The following PXDNL variants were observed in gnomAD, a reference collection of about 807,000 sequenced individuals.
PXDNL encodes peroxidasin like.
A neutral mutation model predicts 150.8 loss-of-function variants in PXDNL; 145 were observed. The observed-to-expected ratio is 0.96, with a 90% CI of 0.84 to 1.10. PXDNL has a LOEUF of 1.10. Ranked by LOEUF, PXDNL falls within the 50% of genes least tolerant of loss-of-function variation. The pLI, the probability that PXDNL is intolerant of heterozygous loss-of-function variation, is 0.00. For missense variants in PXDNL, 2,087 were observed against 1,873.9 expected (o/e 1.11, Z -2.10); for synonymous variants, 757 against 725.7 (o/e 1.04, Z -0.69).
chr8:51,642,796 T>C (rs1402535001), intron 2 of PXDNL, among the ~76,000 whole-genome samples: 3 of 152,164 alleles, frequency 2.0e-5, no homozygotes, highest in African/African-American at 4.8e-5. Context: ...GAAAACCCCA[T>C]TGTCTCAGCC....
At chr8:51,407,310 G>A (rs564877344) in intron 17 of PXDNL, among the ~76,000 whole-genome samples, 2 of 152,120 alleles carry the variant, frequency 1.3e-5, no homozygotes, top group African/African-American at 4.8e-5. Flanking sequence ...GCCTAATCTT[G>A]ACAATTGGCT....
At position 51,408,835 on chromosome 8, in the gene PXDNL, C is replaced by A; in HGVS notation, c.2789G>T (p.Gly930Val). ...TGTAGAAAAGGGCAATAAGGGCTTT[C>A]CGGAGGGAGGCCAAGGAAAGCCTGT... ...LKTGFPWPPS[G>V]KPLLPFSTGP... The change falls in exon 17 of 23, where the codon GGA becomes GTA. Residue 930 changes from glycine to valine, a missense_variant. Physicochemically the swap from Gly to Val is moderately radical, Grantham distance 109. Transcript: ENST00000356297. 2 of 1,574,032 alleles carry A rather than the reference C, an allele frequency of 1.3e-6. No homozygotes were observed. The highest frequency in any genetic ancestry group is 1.2e-5 in the South Asian group (1 of 84,504).
chr8:51,399,832 T>C (rs1400597406), intron 17 of PXDNL, among the ~76,000 whole-genome samples: 1 of 152,254 alleles, frequency 6.6e-6, no homozygotes. Flanking sequence ...ACTCTGGTGG[T>C]AAAATAGAAT....
intron 4 of PXDNL, among the ~76,000 whole-genome samples, chr8:51,529,545 T>A (rs1482202642): frequency 1.3e-5 from 2 of 152,220 alleles, no homozygotes; most frequent in African/African-American, 4.8e-5. Context: ...TCTCCAGATG[T>A]CTGGGTGAAT....
At chr8:51,773,684 T>C (rs1232750087) in intron 1 of PXDNL, among the ~76,000 whole-genome samples, 3 of 152,388 alleles carry the variant, frequency 2.0e-5, no homozygotes, top group Non-Finnish European at 4.4e-5. Flanking sequence ...GCTACAGTTT[T>C]ACAATGCTAG....
chr8:51,664,177 G>A (rs1316200993), intron 1 of PXDNL, among the ~76,000 whole-genome samples: 1 of 152,060 alleles, frequency 6.6e-6, no homozygotes, highest in East Asian at 1.9e-4. Context: ...ATTGGCGTGT[G>A]AAAATAGCTT....
chr8:51,753,688 T>TA (rs2037069826), intron 1 of PXDNL, among the ~76,000 whole-genome samples: 1 of 152,182 alleles, frequency 6.6e-6, no homozygotes, highest in Non-Finnish European at 1.5e-5. Context: ...GGAATACTCC[T>TA]TTACAAGGAA....
chr8:51,404,234 G>T (rs1056286248), intron 17 of PXDNL, among the ~76,000 whole-genome samples: 1 of 152,246 alleles, frequency 6.6e-6, no homozygotes, highest in African/African-American at 2.4e-5. Flanking sequence ...ACTGTCGAAA[G>T]AGACCGGAGT....
At chr8:51,472,368 G>T in intron 7 of PXDNL, 64 bp from the exon 8 acceptor site, 1 of 1,238,088 alleles carries the variant, frequency 8.1e-7, no homozygotes, top group Non-Finnish European at 1.2e-6. Flanking sequence ...CCAAGATGCT[G>T]AGAAAGAGAT....
At chr8:51,733,836 T>TTATA (rs5891430) in intron 1 of PXDNL, among the ~76,000 whole-genome samples, 11 of 142,606 alleles carry the variant, frequency 7.7e-5, no homozygotes, top group Admixed American at 4.9e-4. Flanking sequence ...TATATATAAT[T>TTATA]TATATATATA....
chr8:51,808,745 C>G (rs999832949), intron 1 of PXDNL, among the ~76,000 whole-genome samples: 2 of 152,158 alleles, frequency 1.3e-5, no homozygotes, highest in Non-Finnish European at 2.9e-5. Context: ...AGTACAAAGC[C>G]TAACAATTTG....
intron 1 of PXDNL, among the ~76,000 whole-genome samples, chr8:51,684,390 T>C (rs146832045): frequency 6.6e-6 from 1 of 152,130 alleles, no homozygotes; most frequent in Admixed American, 6.6e-5. Context: ...CCCCCAAGAT[T>C]CCCATATCCT....
intron 7 of PXDNL, among the ~76,000 whole-genome samples, chr8:51,472,831 A>G (rs1479613791): frequency 2.0e-5 from 3 of 152,244 alleles, no homozygotes; most frequent in Non-Finnish European, 4.4e-5. Flanking sequence ...CACTTAAATT[A>G]TTTCAATAAG....
intron 1 of PXDNL, among the ~76,000 whole-genome samples, chr8:51,763,631 C>T (rs957670579): frequency 1.5e-4 from 23 of 152,172 alleles, no homozygotes; most frequent in African/African-American, 5.3e-4. Flanking sequence ...CTTTCGTTCC[C>T]GCTCTAAAGC....
intron 1 of PXDNL, among the ~76,000 whole-genome samples, chr8:51,712,075 A>G (rs1334596158): frequency 1.3e-5 from 2 of 152,226 alleles, no homozygotes; most frequent in Non-Finnish European, 2.9e-5. Flanking sequence ...AACAATGTAT[A>G]AGAAACCAGG....
At chr8:51,772,089 G>A (rs558946970) in intron 1 of PXDNL, among the ~76,000 whole-genome samples, 2 of 152,048 alleles carry the variant, frequency 1.3e-5, no homozygotes, top group African/African-American at 4.8e-5. Context: ...TCCCTCTCCT[G>A]CTCACCTCGT....
At chr8:51,320,960 A>G in intron 21 of PXDNL, 63 bp from the exon 22 acceptor site, 3 of 1,205,664 alleles carry the variant, frequency 2.5e-6, no homozygotes, top group Non-Finnish European at 3.7e-6. Flanking sequence ...AAGCCAATCA[A>G]TAACATGGTT....
intron 11 of PXDNL, among the ~76,000 whole-genome samples, chr8:51,448,659 C>G (rs934850944): frequency 1.3e-5 from 2 of 152,052 alleles, no homozygotes; most frequent in African/African-American, 4.8e-5. Flanking sequence ...GAGATTGCAC[C>G]ACTGCACTCC....
In PXDNL at chr8:51,696,823, A is replaced by AAGTC. The variant is rs1563510326; in HGVS notation, c.165-42064_165-42063insGACT. Among the ~76,000 whole-genome samples the AAGTC allele has an allele frequency of 8.8e-4, 130 of 147,306 alleles. 1 individual carries two copies. Among genetic ancestry groups the AAGTC allele is most frequent in the African/African-American group, 1.3e-3 (50 of 38,838 alleles). ...TAGGTCTTCACACACACACACACAC[A>AAGTC]CACACACACACACACAGGTCCTGAC... On this transcript the variant is annotated intron_variant, in intron 1 of 22. Transcript: ENST00000356297.
Sources: allele counts gnomAD v4.1 joint callset (sites outside exome capture counted in the v4.1 genomes callset), GRCh38; gene constraint gnomAD v4.1.1; transcripts MANE v1.5; gene names NCBI Gene and HGNC (gene_info 2026-07-23, HGNC 2026-07-21).